Variants in HIPK2 observed in about 807,000 individuals in gnomAD.
The protein encoded by HIPK2 is homeodomain interacting protein kinase 2, also known as homeodomain-interacting protein kinase 2.
Under a neutral mutation model 113.7 loss-of-function variants are expected in HIPK2, and 27 were observed. The ratio of observed to expected loss-of-function variants is 0.24; its 90% CI spans 0.17 to 0.33. HIPK2 has a LOEUF of 0.33. Ranked by LOEUF, HIPK2 falls within the 10% of genes least tolerant of loss-of-function variation. The probability of loss-of-function intolerance (pLI) is 1.00; values close to 1 mark genes in which losing one functional copy is unlikely to be tolerated. For missense variants in HIPK2, 1,257 were observed against 1,588.0 expected (o/e 0.79, Z 3.54); for synonymous variants, 631 against 642.2 (o/e 0.98, Z 0.26).
intron 1 of HIPK2, among the ~76,000 whole-genome samples, chr7:139,761,015 C>T (rs1259813545): frequency 6.6e-6 from 1 of 152,080 alleles, no homozygotes; most frequent in African/African-American, 2.4e-5. Flanking sequence ...CACACCAGAT[C>T]AATAAAAATC....
intron 2 of HIPK2, among the ~76,000 whole-genome samples, chr7:139,632,693 T>C (rs916837286): frequency 2.6e-5 from 4 of 152,206 alleles, no homozygotes; most frequent in African/African-American, 9.6e-5. Flanking sequence ...TCTTCTTTTC[T>C]AAGAATCTGT....
At chr7:139,756,736 T>C (rs1796369402) in intron 1 of HIPK2, among the ~76,000 whole-genome samples, 1 of 152,244 alleles carries the variant, frequency 6.6e-6, no homozygotes, top group African/African-American at 2.4e-5. Context: ...GACTTTATTT[T>C]TGTAGAGCAG....
intron 2 of HIPK2, among the ~76,000 whole-genome samples, chr7:139,671,618 C>T (rs1256685123): frequency 1.3e-5 from 2 of 152,094 alleles, no homozygotes; most frequent in Non-Finnish European, 2.9e-5. Flanking sequence ...ATGGCATGAT[C>T]TCGGCTCACT....
intron 2 of HIPK2, among the ~76,000 whole-genome samples, chr7:139,640,551 C>CT (rs1800976004): frequency 6.6e-6 from 1 of 152,236 alleles, no homozygotes; most frequent in African/African-American, 2.4e-5. Context: ...TTGCAGAGGC[C>CT]TGGCATAGAG....
chr7:139,755,323 T>G (rs530807194), intron 1 of HIPK2, among the ~76,000 whole-genome samples: 3 of 152,142 alleles, frequency 2.0e-5, no homozygotes. Flanking sequence ...AGAACATCAG[T>G]TTTTTACAAC....
chr7:139,565,202 A>T lies in HIPK2; in HGVS notation c.*7725T>A, dbSNP rs748943762. On this transcript the variant is annotated 3_prime_UTR_variant, in exon 15 of 15. Coordinates refer to ENST00000406875, the MANE Select transcript of HIPK2 (RefSeq NM_022740.5). Reference sequence around the variant, plus strand: ...TAAGATAATGTATCTAAAACCTTCTAAAAAAAAAAAAAATCTTTAGGTGTT... The same window carrying T: ...TAAGATAATGTATCTAAAACCTTCTTAAAAAAAAAAAAATCTTTAGGTGTT... 7.3e-6 allele frequency: 1 copy of T among 136,890 alleles called. No homozygotes were observed. Among genetic ancestry groups the T allele is most frequent in the Non-Finnish European group, 1.6e-5 (1 of 62,210 alleles). The allele number at this position is 136,890 out of a possible 1,614,324, so 8.5% of individuals were successfully genotyped here. A position where few individuals can be genotyped will look rare whatever the true frequency, so the allele number is the denominator to read the frequency against.
chr7:139,623,517 CAAAAAAAA>C (rs771370297), intron 6 of HIPK2, among the ~76,000 whole-genome samples: 4,672 of 74,150 alleles, frequency 0.063, 278 homozygotes, highest in African/African-American at 0.16. Context: ...GACTCTACTT[CAAAAAAAA>C]AAAAAAAAAA....
chr7:139,768,344 C>G (rs377106815), intron 1 of HIPK2, among the ~76,000 whole-genome samples: 1 of 152,196 alleles, frequency 6.6e-6, no homozygotes. Flanking sequence ...CAACAGGACC[C>G]TATCTGAGGT....
At chr7:139,729,435 C>G (rs886663100) in intron 1 of HIPK2, among the ~76,000 whole-genome samples, 5 of 146,076 alleles carry the variant, frequency 3.4e-5, no homozygotes, top group Admixed American at 1.4e-4. Context: ...AGTTTTGATT[C>G]TGTGTGTGTC....
At chr7:139,764,507 C>T (rs1796521321) in intron 1 of HIPK2, among the ~76,000 whole-genome samples, 3 of 152,028 alleles carry the variant, frequency 2.0e-5, no homozygotes, top group South Asian at 4.1e-4. Flanking sequence ...ACAGAAGGTG[C>T]CATTTATGGA....
chr7:139,690,710 T>TC (rs1357526564), intron 2 of HIPK2, among the ~76,000 whole-genome samples: 1 of 152,066 alleles, frequency 6.6e-6, no homozygotes, highest in Admixed American at 6.5e-5. Flanking sequence ...AGCCTGGCAC[T>TC]CCCCTGCCCC....
At position 139,777,683 on chromosome 7, in the gene HIPK2, G is replaced by A. The variant is rs1796807117; in HGVS notation, c.-60C>T. The A allele has an allele frequency of 2.8e-6, 3 of 1,057,640 alleles. No homozygotes were observed. Among genetic ancestry groups the A allele is most frequent in the East Asian group, 5.8e-5 (1 of 17,352 alleles). The allele number at this position is 1,057,640 out of a possible 1,614,324, so 65.5% of individuals were successfully genotyped here. On this transcript the variant is annotated 5_prime_UTR_variant, in exon 1 of 15. Coordinates refer to ENST00000406875, the MANE Select transcript of HIPK2 (RefSeq NM_022740.5). ...GACGGGAAAGCGGCGCGCGAGCTCG[G>A]CCCCCCCAGCCTCAGTCGGAATCTG...
intron 2 of HIPK2, among the ~76,000 whole-genome samples, chr7:139,705,171 T>C (rs1794853497): frequency 1.3e-5 from 2 of 152,214 alleles, no homozygotes; most frequent in African/African-American, 4.8e-5. Context: ...TCATGAATGA[T>C]GACACCAGGC....
At chr7:139,635,832 C>T (rs941186184) in intron 2 of HIPK2, among the ~76,000 whole-genome samples, 26 of 152,298 alleles carry the variant, frequency 1.7e-4, no homozygotes, top group Middle Eastern at 6.8e-3. Context: ...GCGGCTCCCA[C>T]GTTAGAAAAC....
At chr7:139,696,041 G>A (rs997928690) in intron 2 of HIPK2, among the ~76,000 whole-genome samples, 1 of 152,204 alleles carries the variant, frequency 6.6e-6, no homozygotes, top group Admixed American at 6.5e-5. Flanking sequence ...CGGAGAACTG[G>A]CCAGAGGGAG....
At chr7:139,612,992 C>T (rs891429426) in intron 9 of HIPK2, among the ~76,000 whole-genome samples, 2 of 152,210 alleles carry the variant, frequency 1.3e-5, no homozygotes, top group African/African-American at 4.8e-5. Context: ...CCCAGACTCT[C>T]CCTGTATCTA....
intron 12 of HIPK2, among the ~76,000 whole-genome samples, chr7:139,587,380 C>G (rs879909313): frequency 6.9e-6 from 1 of 145,922 alleles, no homozygotes; most frequent in Non-Finnish European, 1.5e-5. Context: ...ATCCCAGCTA[C>G]TCAGAGCCTG....
At chr7:139,591,022 T>A (rs916027909) in intron 12 of HIPK2, among the ~76,000 whole-genome samples, 12 of 152,090 alleles carry the variant, frequency 7.9e-5, no homozygotes, top group Admixed American at 5.9e-4. Flanking sequence ...TTTAAAAAAA[T>A]TTTTTGTAGA....
chr7:139,702,770 C>A (rs1794749470), intron 2 of HIPK2, among the ~76,000 whole-genome samples: 2 of 152,192 alleles, frequency 1.3e-5, no homozygotes, highest in Admixed American at 1.3e-4. Flanking sequence ...GATCAACAAC[C>A]CCACTCAGCC....
Sources: gnomAD v4.1 joint callset for allele counts (sites outside exome capture counted in the v4.1 genomes callset) on GRCh38, gnomAD v4.1.1 for gene constraint, MANE v1.5 for transcripts, NCBI Gene and HGNC (gene_info 2026-07-23, HGNC 2026-07-21) for gene names.